LMF1: variants seen among roughly 807,000 people sequenced by gnomAD.
The protein encoded by LMF1 is lipase maturation factor 1, also known as transmembrane protein 112.
A neutral mutation model predicts 60.6 loss-of-function variants in LMF1; 68 were observed. The ratio of observed to expected loss-of-function variants is 1.12; its 90% CI spans 0.92 to 1.37. The LOEUF (loss-of-function observed/expected upper bound fraction) is 1.37, where lower values mean the gene tolerates loss of function less well. Among genes scored for constraint, LMF1 ranks in the 40% most tolerant of loss-of-function variants. The probability of loss-of-function intolerance (pLI) is 0.00; values close to 1 mark genes in which losing one functional copy is unlikely to be tolerated. For missense variants in LMF1, 948 were observed against 767.2 expected (o/e 1.24, Z -2.78); for synonymous variants, 418 against 324.7 (o/e 1.29, Z -3.09).
intron 10 of LMF1, among the ~76,000 whole-genome samples, chr16:856,515 T>C (rs1325688869): frequency 6.6e-6 from 1 of 152,210 alleles, no homozygotes; most frequent in Admixed American, 6.5e-5. Context: ...GTGGGGATCC[T>C]GGGAAGGCCT....
At chr16:909,839 C>T (rs769314032) in intron 4 of LMF1, among the ~76,000 whole-genome samples, 5 of 152,190 alleles carry the variant, frequency 3.3e-5, no homozygotes, top group Admixed American at 6.5e-5. Flanking sequence ...AGAAGAGGAA[C>T]GTTCCGGACT....
At chr16:950,691 CGACAGAGTCAGAGCCAAT>C (rs1567302339) in intron 2 of LMF1, among the ~76,000 whole-genome samples, 10 of 140,974 alleles carry the variant, frequency 7.1e-5, no homozygotes, top group South Asian at 2.3e-4. Flanking sequence ...AGTCAGCCAA[CGACAGAGTCAGAGCCAAT>C]GACAGAGTCA....
At chr16:976,203 G>A (rs1288857015) in intron 1 of LMF1, 1 of 450,478 alleles carries the variant, frequency 2.2e-6, no homozygotes. Context: ...GATGGGCTGG[G>A]GGCTGGGGCC....
intron 2 of LMF1, among the ~76,000 whole-genome samples, chr16:950,538 A>G (rs1379284904): frequency 9.1e-6 from 1 of 109,566 alleles, no homozygotes; most frequent in East Asian, 2.6e-4. Context: ...GTCAGAGCCA[A>G]TGACAGAGTC....
intron 3 of LMF1, among the ~76,000 whole-genome samples, chr16:928,197 TG>T (rs1358352467): frequency 6.6e-6 from 1 of 152,170 alleles, no homozygotes; most frequent in African/African-American, 2.4e-5. Context: ...GCTACGTGGA[TG>T]GGCCCCCCCA....
chr16:970,404 C>T (rs1247407552), intron 1 of LMF1, among the ~76,000 whole-genome samples: 4 of 151,946 alleles, frequency 2.6e-5, no homozygotes, highest in Non-Finnish European at 2.9e-5. Context: ...CGCAGACCCC[C>T]GACCTGCGCA....
At chr16:966,546 G>A (rs185031163) in intron 1 of LMF1, among the ~76,000 whole-genome samples, 10 of 152,312 alleles carry the variant, frequency 6.6e-5, no homozygotes, top group South Asian at 2.1e-4. Context: ...GATCCCTTCC[G>A]AATTGTAACA....
rs1024134638 is a variant in LMF1, at chr16:878,441, G to A, written c.897+1129C>T. Among the ~76,000 whole-genome samples, 2 of 152,218 alleles carry A rather than the reference G, an allele frequency of 1.3e-5. No homozygotes were observed. Among genetic ancestry groups the A allele is most frequent in the South Asian group, 2.1e-4 (1 of 4,810 alleles). On this transcript the variant is annotated intron_variant, in intron 6 of 10. Coordinates refer to ENST00000262301, the MANE Select transcript of LMF1 (RefSeq NM_022773.4). This position sits in a 1 kb window ranked among gnomAD's most constrained non-coding sequence, Gnocchi z 5.2. ...AGAACAGCACAGCCACCCTGGACACGTGCAGCTTCCAGTAAGGTGAATCAC... is the reference window on the plus strand; with the variant it reads ...AGAACAGCACAGCCACCCTGGACACATGCAGCTTCCAGTAAGGTGAATCAC...
chr16:948,386 C>T (rs650120), intron 2 of LMF1, among the ~76,000 whole-genome samples: 19 of 139,994 alleles, frequency 1.4e-4, no homozygotes, highest in South Asian at 2.3e-4. Context: ...TCAGAGCCAA[C>T]GTCAGAGTCA....
In LMF1 at chr16:978,400, G is replaced by A. The variant is rs564580872; in HGVS notation, c.-135+2745C>T. ...GCGCCTCCGGGGTCGCCATCCCTAGGAGCCACGGGTAGGGTGGGGTGGTCT... is the reference window on the plus strand; with the variant it reads ...GCGCCTCCGGGGTCGCCATCCCTAGAAGCCACGGGTAGGGTGGGGTGGTCT... On this transcript the variant is annotated intron_variant, in intron 1 of 6. Coordinates refer to the LMF1 transcript ENST00000570014. Among the ~76,000 whole-genome samples the A allele has an allele frequency of 1.1e-3, 163 of 152,030 alleles. 1 individual carries two copies. The highest frequency in any genetic ancestry group is 3.8e-3 in the African/African-American group (157 of 41,434).
At chr16:918,602 A>G (rs1306124096) in intron 3 of LMF1, among the ~76,000 whole-genome samples, 1 of 152,056 alleles carries the variant, frequency 6.6e-6, no homozygotes, top group Admixed American at 6.5e-5. Context: ...GAGACCCCAG[A>G]AAAGTGCTGG....
intron 10 of LMF1, among the ~76,000 whole-genome samples, chr16:858,884 C>G (rs867953981): frequency 1.8e-5 from 1 of 54,592 alleles, no homozygotes; most frequent in African/African-American, 8.7e-5. Context: ...TGTCTCGGGA[C>G]GGGTGTGCAG....
rs2069131704 is a variant in LMF1 at position 854,436 on chromosome 16, C to T, written c.*96G>A. On this transcript the variant is annotated 3_prime_UTR_variant, in exon 11 of 11. Coordinates refer to ENST00000262301, the MANE Select transcript of LMF1 (RefSeq NM_022773.4). ...TCCCACCGCTCTCCTCTCCACGTCTCTCTTGGCGATGCCCAGCTTGGGCTG... is the reference window on the plus strand; with the variant it reads ...TCCCACCGCTCTCCTCTCCACGTCTTTCTTGGCGATGCCCAGCTTGGGCTG... 7.8e-7 allele frequency: 1 copy of T among 1,277,024 alleles called. No homozygotes were observed. Among genetic ancestry groups the T allele is most frequent in the Non-Finnish European group, 1.1e-6 (1 of 914,888 alleles). 79.1% of individuals were successfully genotyped at this position (1,277,024 alleles called of 1,614,324 possible).
In LMF1 at chr16:954,361, C is replaced by T. The variant is rs773676589; in HGVS notation, c.499G>A (p.Val167Ile). ...LYMSLVNVGH[V>I]WYSFGWESQL... is the part of the protein sequence containing the mutation. ...CGCCCCATTCCTGCTACTCACCAGA[C>T]ATGGCCCACATTAACCAGGGACATG... The change falls in exon 2 of 11, where the codon GTC (valine) becomes ATC (isoleucine). Residue 167 changes from valine to isoleucine, a missense_variant. Transcript: ENST00000262301. The T allele has an allele frequency of 1.2e-6, 2 of 1,611,676 alleles. No individual in the cohort carries two copies. The highest frequency in any genetic ancestry group is 2.2e-5 in the East Asian group (1 of 44,812).
At chr16:864,727 G>C (rs2069564476) in intron 10 of LMF1, among the ~76,000 whole-genome samples, 1 of 150,934 alleles carries the variant, frequency 6.6e-6, no homozygotes, top group Non-Finnish European at 1.5e-5. Flanking sequence ...GCATGTCTTG[G>C]GTCACTGTAG....
At chr16:892,590 C>T (rs1032731016) in intron 5 of LMF1, among the ~76,000 whole-genome samples, 2 of 152,238 alleles carry the variant, frequency 1.3e-5, no homozygotes, top group African/African-American at 2.4e-5. Context: ...CACACCTGCC[C>T]GTGTCCAGGT....
intron 5 of LMF1, among the ~76,000 whole-genome samples, chr16:886,049 T>C (rs560141691): frequency 9.6e-4 from 146 of 152,354 alleles, no homozygotes; most frequent in Non-Finnish European, 1.6e-3. Flanking sequence ...CAGAAAGATA[T>C]CTGGAAAATC....
chr16:975,382 G>T (rs1328727790), upstream of LMF1, among the ~76,000 whole-genome samples: 1 of 152,128 alleles, frequency 6.6e-6, no homozygotes, highest in Non-Finnish European at 1.5e-5. Context: ...GAGTTGCCTG[G>T]CCCAGAGGTC....
chr16:854,805 C>A (rs1261484901), intron 10 of LMF1, 99 bp from the exon 11 acceptor site: 11 of 1,150,732 alleles, frequency 9.6e-6, no homozygotes, highest in Non-Finnish European at 1.4e-5. Context: ...CACAGGGTCC[C>A]CCACGGACAG....
Sources: allele counts gnomAD v4.1 joint callset (sites outside exome capture counted in the v4.1 genomes callset), GRCh38; gene constraint gnomAD v4.1.1; non-coding constraint Gnocchi (gnomAD v3.1); transcripts MANE v1.5; gene names NCBI Gene and HGNC (gene_info 2026-07-23, HGNC 2026-07-21).